Variants in TTC29 observed in about 807,000 individuals in gnomAD.
The protein encoded by TTC29 is tetratricopeptide repeat protein 29.
In TTC29, 49 loss-of-function variants were observed where a neutral mutation model predicts 58.1. The observed-to-expected ratio is 0.84, with a 90% CI of 0.67 to 1.07. The LOEUF (loss-of-function observed/expected upper bound fraction) is 1.07, where lower values mean the gene tolerates loss of function less well. Among genes scored for constraint, TTC29 ranks in the 50% least tolerant of loss-of-function variants. The probability of loss-of-function intolerance (pLI) is 0.00; values close to 1 mark genes in which losing one functional copy is unlikely to be tolerated. For synonymous variants in TTC29, 209 were observed against 196.8 expected (o/e 1.06, Z -0.52); for missense variants, 582 against 555.6 (o/e 1.05, Z -0.48).
intron 8 of TTC29, among the ~76,000 whole-genome samples, chr4:146,842,874 T>C (rs774704827): frequency 1.1e-4 from 17 of 152,198 alleles, no homozygotes; most frequent in Non-Finnish European, 2.2e-4. Context: ...TTTGCCATCT[T>C]GAGCTTGAAA....
rs181456344 is a variant in TTC29, at chr4:146,814,599, G to A, written c.1101+5526C>T. ...AAATTAGCTGGGCGTGGTGGCGCAC[G>A]CCTGTAGTCCCAGCTACTCAGGAGG... On this transcript the variant is annotated intron_variant, in intron 10 of 12. Coordinates refer to ENST00000325106, the MANE Select transcript of TTC29 (RefSeq NM_031956.4). Among the ~76,000 whole-genome samples, 103 of 152,054 alleles carry A rather than the reference G, an allele frequency of 6.8e-4. 2 individuals are homozygous for A. Among genetic ancestry groups the A allele is most frequent in the South Asian group, 2.5e-3 (12 of 4,806 alleles).
chr4:146,777,760 C>A (rs1468613342), intron 11 of TTC29, among the ~76,000 whole-genome samples: 1 of 152,136 alleles, frequency 6.6e-6, no homozygotes, highest in East Asian at 1.9e-4. Flanking sequence ...GGTTTCTCTA[C>A]TTTAGAGTCC....
intron 4 of TTC29, among the ~76,000 whole-genome samples, chr4:146,928,641 A>G (rs1327485520): frequency 2.0e-5 from 3 of 152,140 alleles, no homozygotes; most frequent in Admixed American, 6.5e-5. Flanking sequence ...AGAAGGAGTC[A>G]TTTTTTATCT....
At chr4:146,776,593 C>A (rs1748114002) in intron 11 of TTC29, among the ~76,000 whole-genome samples, 1 of 152,134 alleles carries the variant, frequency 6.6e-6, no homozygotes, top group South Asian at 2.1e-4. Context: ...TATGGAGGGC[C>A]AGTACTGGAC....
intron 11 of TTC29, among the ~76,000 whole-genome samples, chr4:146,785,194 CTT>C (rs35617737): frequency 2.2e-5 from 3 of 137,606 alleles, no homozygotes; most frequent in Non-Finnish European, 3.1e-5. Context: ...AACTTGCTGC[CTT>C]TTTTTTTTTT....
chr4:146,803,606 T>C lies in TTC29; in HGVS notation c.1181A>G (p.Asp394Gly), dbSNP rs775757030. 6.2e-6 allele frequency: 10 copies of C among 1,609,364 alleles called. No homozygotes were observed. Among genetic ancestry groups the C allele is most frequent in the Non-Finnish European group, 8.5e-6 (10 of 1,177,640 alleles). ...TATTCCATAGTGAACTTTTGTCTCA[T>C]CCATCAGAGGCATGCTCATTAGCTC... ...TVELMSMPLM[D>G]ETKVHYGIAK... Residue 394 changes from aspartate (D) to glycine (G), a missense_variant, in exon 11 of 13, where the codon GAT becomes GGT. Asp to Gly is a moderately conservative substitution (Grantham distance 94, BLOSUM62 -1). Transcript: ENST00000325106.
intron 11 of TTC29, among the ~76,000 whole-genome samples, chr4:146,744,505 T>C (rs533395096): frequency 1.6e-4 from 25 of 152,138 alleles, no homozygotes; most frequent in Non-Finnish European, 3.1e-4. Context: ...TCTTCCAGGA[T>C]AAAAAGAGAT....
At chr4:146,796,710 T>C (rs192177558) in intron 11 of TTC29, among the ~76,000 whole-genome samples, 9 of 152,304 alleles carry the variant, frequency 5.9e-5, no homozygotes, top group African/African-American at 2.2e-4. Context: ...TTTAGGGTCA[T>C]TGGCTTTATC....
intron 10 of TTC29, among the ~76,000 whole-genome samples, chr4:146,808,867 C>T (rs1023717890): frequency 6.6e-6 from 1 of 152,050 alleles, no homozygotes; most frequent in African/African-American, 2.4e-5. Flanking sequence ...ACTTTCTTCA[C>T]AGATTTAGAA....
At chr4:146,867,640 A>G (rs573278289) in intron 7 of TTC29, 57 bp from the exon 8 acceptor site, 2 of 816,586 alleles carry the variant, frequency 2.4e-6, no homozygotes, top group African/African-American at 1.8e-5. Flanking sequence ...TATTACAACA[A>G]ACAGAATCCT....
rs1244276955 is a variant in TTC29, at chr4:146,803,561, A to G, written c.1226T>C (p.Met409Thr). The G allele has an allele frequency of 2.5e-6, 4 of 1,606,410 alleles. No homozygotes were observed. Among genetic ancestry groups the G allele is most frequent in the African/African-American group, 1.3e-5 (1 of 75,010 alleles). The stretch of plus-strand genomic sequence containing the variant: ...CTCTATATAGTTGTTCACTGTAAGC[A>G]TCATCTGATGAGCTTTTGCTATTCC... ...HYGIAKAHQMMLTVNNYIESA... is the reference protein window; with the variant it reads ...HYGIAKAHQMTLTVNNYIESA... The change falls in exon 11 of 13, where the codon ATG becomes ACG. Residue 409 changes from methionine to threonine, a missense_variant. Met to Thr is a moderately conservative substitution (Grantham distance 81). Coordinates refer to ENST00000325106, the MANE Select transcript of TTC29 (RefSeq NM_031956.4).
At position 146,892,713 on chromosome 4, in the gene TTC29, A is replaced by G. The variant is rs1579925894; in HGVS notation, c.586+10831T>C. Among the ~76,000 whole-genome samples, 4 of 152,246 alleles carry G rather than the reference A, an allele frequency of 2.6e-5. No homozygotes were observed. The East Asian group carries it at 5.8e-4, about 22-fold the overall frequency. ...ATCAGGCAGGAGAAGGAAATAAACG[A>G]TATTCAATTAGGAAAAGAGGAAGTC... On this transcript the variant is annotated intron_variant, in intron 6 of 12. Coordinates refer to ENST00000325106, the MANE Select transcript of TTC29 (RefSeq NM_031956.4).
chr4:146,755,295 A>G (rs1229854428), intron 11 of TTC29, among the ~76,000 whole-genome samples: 3 of 152,200 alleles, frequency 2.0e-5, no homozygotes, highest in Admixed American at 6.5e-5. Context: ...TGTCCATACT[A>G]TCTAAGCAAT....
At chr4:146,897,728 C>T (rs528374702) in intron 6 of TTC29, among the ~76,000 whole-genome samples, 2 of 152,344 alleles carry the variant, frequency 1.3e-5, no homozygotes, top group African/African-American at 4.8e-5. Flanking sequence ...CAATGCTGCT[C>T]CCAGTTGGTC....
intron 10 of TTC29, among the ~76,000 whole-genome samples, chr4:146,818,719 T>C (rs540228444): frequency 6.6e-6 from 1 of 152,098 alleles, no homozygotes; most frequent in East Asian, 1.9e-4. Flanking sequence ...ATTAAGAAAA[T>C]GTGGCACATA....
chr4:146,740,337 G>C (rs1745028029), intron 11 of TTC29, among the ~76,000 whole-genome samples: 1 of 152,150 alleles, frequency 6.6e-6, no homozygotes, highest in Non-Finnish European at 1.5e-5. Flanking sequence ...TAGCTCAAGG[G>C]TAACAAAGAG....
At chr4:146,833,960 C>A (rs1344611319) in intron 8 of TTC29, 63 bp from the exon 9 acceptor site, 2 of 1,136,054 alleles carry the variant, frequency 1.8e-6, no homozygotes, top group Admixed American at 2.6e-5. Flanking sequence ...TGTTTCATTT[C>A]ATAACAGAAA....
chr4:146,777,549 T>C (rs943401334), intron 11 of TTC29, among the ~76,000 whole-genome samples: 9 of 152,196 alleles, frequency 5.9e-5, no homozygotes, highest in African/African-American at 2.2e-4. Flanking sequence ...TCATATTACT[T>C]TTTCTCTATG....
intron 9 of TTC29, among the ~76,000 whole-genome samples, chr4:146,827,161 G>C (rs763657550): frequency 1.3e-5 from 2 of 152,040 alleles, no homozygotes; most frequent in Non-Finnish European, 2.9e-5. Flanking sequence ...GCTGGAGGGA[G>C]GGGGCTCCCC....
Sources: gnomAD v4.1 joint callset for allele counts (sites outside exome capture counted in the v4.1 genomes callset) on GRCh38, gnomAD v4.1.1 for gene constraint, MANE v1.5 for transcripts, NCBI Gene and HGNC (gene_info 2026-07-23, HGNC 2026-07-21) for gene names.